FHIT: variants seen among roughly 807,000 people sequenced by gnomAD.
FHIT encodes the protein fragile histidine triad diadenosine triphosphatase, also known as bis(5'-adenosyl)-triphosphatase.
A neutral mutation model predicts 17.9 loss-of-function variants in FHIT; 19 were observed. The ratio of observed to expected loss-of-function variants is 1.06; its 90% confidence interval spans 0.74 to 1.56. FHIT has a LOEUF of 1.56. FHIT is among the 40% of genes most tolerant of loss of function. The probability of loss-of-function intolerance (pLI) is 0.00; values close to 1 mark genes in which losing one functional copy is unlikely to be tolerated. For missense variants in FHIT, 248 were observed against 189.2 expected, an observed-to-expected ratio of 1.31 and a Z score of -1.82; for synonymous variants, 81 against 69.7, an observed-to-expected ratio of 1.16 and a Z score of -0.81.
intron 4 of FHIT, among the ~76,000 whole-genome samples, chr3:60,551,800 T>C (rs576702245): frequency 1.3e-5 from 2 of 151,156 alleles, no homozygotes; most frequent in Admixed American, 6.6e-5. Flanking sequence ...ATATGCCCCA[T>C]TCCCAGATTA....
At chr3:60,018,191 G>A (rs1299048919) in intron 5 of FHIT, among the ~76,000 whole-genome samples, 1 of 152,130 alleles carries the variant, frequency 6.6e-6, no homozygotes, top group Non-Finnish European at 1.5e-5. Context: ...GAGAAAGGAG[G>A]CAAGAGAGAC....
At chr3:60,807,110 T>G (rs1291711571) in intron 4 of FHIT, among the ~76,000 whole-genome samples, 1 of 152,172 alleles carries the variant, frequency 6.6e-6, no homozygotes, top group Non-Finnish European at 1.5e-5. Flanking sequence ...CAGGCCTCTC[T>G]CCAAAAGTGT....
intron 5 of FHIT, among the ~76,000 whole-genome samples, chr3:60,256,688 T>G (rs1461897224): frequency 6.6e-6 from 1 of 152,200 alleles, no homozygotes; most frequent in African/African-American, 2.4e-5. Context: ...GATCCCACCT[T>G]GGTTTAGTAC....
chr3:60,309,876 T>C (rs1346100558), intron 5 of FHIT, among the ~76,000 whole-genome samples: 1 of 152,148 alleles, frequency 6.6e-6, no homozygotes, highest in Middle Eastern at 3.2e-3. Flanking sequence ...GTTCCCTAGA[T>C]TCTCACTACA....
chr3:60,362,347 T>G (rs1181796705), intron 5 of FHIT, among the ~76,000 whole-genome samples: 3 of 152,226 alleles, frequency 2.0e-5, no homozygotes, highest in Non-Finnish European at 2.9e-5. Context: ...ATACAATACT[T>G]AGAAGCTAAA....
intron 5 of FHIT, among the ~76,000 whole-genome samples, chr3:60,393,563 C>G (rs1297353725): frequency 6.6e-6 from 1 of 151,988 alleles, no homozygotes; most frequent in Non-Finnish European, 1.5e-5. Flanking sequence ...AAGATCCTTC[C>G]TCACACACTG....
chr3:60,451,801 A>G (rs2031765062), intron 5 of FHIT, among the ~76,000 whole-genome samples: 1 of 152,194 alleles, frequency 6.6e-6, no homozygotes, highest in South Asian at 2.1e-4. Context: ...GAGATTGCAT[A>G]AGGACCAGAA....
In FHIT at chr3:60,952,660, C is replaced by T. The variant is rs115388099; in HGVS notation, c.-111+89387G>A. Among the ~76,000 whole-genome samples, 751 of 152,286 alleles carry T rather than the reference C, an allele frequency of 4.9e-3. 5 individuals carry two copies. Among genetic ancestry groups the T allele is most frequent in the Non-Finnish European group, 8.4e-3 (568 of 68,022 alleles). ...GGTGCAAGAAGTGTTCTCTAACCCT[C>T]CCCTTTTTCTTCCTGAAAACATGAA... On this transcript the variant is annotated intron_variant, in intron 3 of 9. Coordinates refer to ENST00000492590, the MANE Select transcript of FHIT (RefSeq NM_002012.4).
intron 3 of FHIT, among the ~76,000 whole-genome samples, chr3:60,981,327 CA>C (rs1347583300): frequency 8.1e-6 from 1 of 123,734 alleles, no homozygotes; most frequent in African/African-American, 3.1e-5. Context: ...TTTTTTTTGA[CA>C]GAGTCTCACT....
chr3:59,928,942 C>T (rs140229949), intron 7 of FHIT, among the ~76,000 whole-genome samples: 8,424 of 142,606 alleles, frequency 0.059, 338 homozygotes, highest in Admixed American at 0.091. Flanking sequence ...TTGCAGTGAG[C>T]CGAGATTGCA....
intron 5 of FHIT, among the ~76,000 whole-genome samples, chr3:60,279,383 T>A (rs913780335): frequency 1.3e-5 from 2 of 152,194 alleles, no homozygotes; most frequent in African/African-American, 2.4e-5. Context: ...TATATCTATA[T>A]CTGTATCTTT....
At chr3:60,769,055 C>T (rs1452932282) in intron 4 of FHIT, among the ~76,000 whole-genome samples, 2 of 152,250 alleles carry the variant, frequency 1.3e-5, no homozygotes, top group Admixed American at 6.5e-5. Flanking sequence ...TCCCACAGAA[C>T]CTTCTTGACT....
chr3:59,814,045 T>TACACACACAC (rs144355020), intron 8 of FHIT, among the ~76,000 whole-genome samples: 1,986 of 146,830 alleles, frequency 0.014, 40 homozygotes, highest in African/African-American at 0.042. Flanking sequence ...AATTTACACA[T>TACACACACAC]ACACACACAC....
chr3:60,016,104 T>C (rs1200233051), intron 5 of FHIT, among the ~76,000 whole-genome samples: 1 of 152,218 alleles, frequency 6.6e-6, no homozygotes, highest in Non-Finnish European at 1.5e-5. Context: ...ACACATTTAC[T>C]TCTGGATCCT....
intron 5 of FHIT, among the ~76,000 whole-genome samples, chr3:60,167,952 A>T (rs572432068): frequency 6.6e-6 from 1 of 152,228 alleles, no homozygotes; most frequent in Admixed American, 6.5e-5. Context: ...TGAGCCTGAG[A>T]GGTTGAGAAC....
intron 5 of FHIT, among the ~76,000 whole-genome samples, chr3:60,476,219 T>G (rs866948580): frequency 6.6e-6 from 1 of 152,086 alleles, no homozygotes; most frequent in South Asian, 2.1e-4. Flanking sequence ...TAAATAAAAA[T>G]ATTTCCCTGG....
At chr3:60,710,211 G>A (rs531267217) in intron 4 of FHIT, among the ~76,000 whole-genome samples, 7 of 151,958 alleles carry the variant, frequency 4.6e-5, no homozygotes, top group African/African-American at 1.4e-4. Context: ...AAAAATGAAA[G>A]GCCAAAAGTA....
chr3:60,267,700 G>T (rs1288541147), intron 5 of FHIT, among the ~76,000 whole-genome samples: 2 of 151,938 alleles, frequency 1.3e-5, no homozygotes, highest in African/African-American at 2.4e-5. Context: ...AAATATTTAA[G>T]CATTTACTAA....
intron 2 of FHIT, among the ~76,000 whole-genome samples, chr3:61,153,484 G>T (rs986350980): frequency 2.6e-5 from 4 of 152,198 alleles, no homozygotes; most frequent in Admixed American, 2.6e-4. Flanking sequence ...AAAATTGCCA[G>T]ATTTCTTTGG....
Sources: allele counts gnomAD v4.1 joint callset (sites outside exome capture counted in the v4.1 genomes callset), GRCh38; gene constraint gnomAD v4.1.1; transcripts MANE v1.5; gene names NCBI Gene and HGNC (gene_info 2026-07-23, HGNC 2026-07-21).